TLK1: variants seen among roughly 807,000 people sequenced by gnomAD.
TLK1 encodes tousled like kinase 1, also known as serine/threonine-protein kinase tousled-like 1.
Under a neutral mutation model 105.3 loss-of-function variants are expected in TLK1, and 24 were observed. That is an observed-to-expected ratio of 0.23 (90% confidence interval 0.17 to 0.32). The LOEUF is 0.32. Ranked by LOEUF, TLK1 falls within the 10% of genes least tolerant of loss-of-function variation. The pLI, the probability that TLK1 is intolerant of heterozygous loss-of-function variation, is 1.00. For synonymous variants in TLK1, 321 were observed against 310.4 expected (o/e 1.03, Z -0.36); for missense variants, 558 against 910.5 (o/e 0.61, Z 4.98).
At chr2:171,068,111 G>C (rs1359479976) in intron 3 of TLK1, among the ~76,000 whole-genome samples, 1 of 152,110 alleles carries the variant, frequency 6.6e-6, no homozygotes, top group Non-Finnish European at 1.5e-5. Flanking sequence ...TGGATCACCT[G>C]AGGTCAGGAG....
chr2:171,103,361 G>A (rs916964030), intron 2 of TLK1, among the ~76,000 whole-genome samples: 6 of 151,042 alleles, frequency 4.0e-5, no homozygotes, highest in African/African-American at 9.8e-5. Context: ...TGCAATCTCC[G>A]CCGCCTCCTG....
rs888846823 is a variant in TLK1 at position 171,137,128 on chromosome 2, G to C, written c.140-19271C>G. ...GCTTGAGCTCAGGAATTCAAAAACA[G>C]TCTGAGTAACATGGTGAAACCCATC... On this transcript the variant is annotated intron_variant, in intron 1 of 20. Coordinates refer to ENST00000431350, the MANE Select transcript of TLK1 (RefSeq NM_012290.5). Among the ~76,000 whole-genome samples, 77 of 152,202 alleles carry C rather than the reference G, an allele frequency of 5.1e-4. 1 individual carries two copies. The Middle Eastern group carries it at 0.014, about 27-fold the overall frequency.
At chr2:171,137,741 C>T (rs563673204) in intron 1 of TLK1, among the ~76,000 whole-genome samples, 3 of 151,672 alleles carry the variant, frequency 2.0e-5, no homozygotes, top group South Asian at 2.1e-4. Context: ...CCCAGCTACT[C>T]GGGAGGCTGA....
At chr2:171,110,159 T>C (rs1185321040) in intron 2 of TLK1, among the ~76,000 whole-genome samples, 5 of 152,216 alleles carry the variant, frequency 3.3e-5, no homozygotes, top group African/African-American at 7.2e-5. Flanking sequence ...ACAACACAAA[T>C]GTTCCTCATC....
chr2:171,002,030 GCCT>G (rs1684402986), intron 18 of TLK1, among the ~76,000 whole-genome samples: 1 of 152,052 alleles, frequency 6.6e-6, no homozygotes, highest in Non-Finnish European at 1.5e-5. Flanking sequence ...GCCCGCCTGG[GCCT>G]CACAAAGTGC....
At chr2:171,068,248 G>C (rs1006242692) in intron 3 of TLK1, among the ~76,000 whole-genome samples, 6 of 152,114 alleles carry the variant, frequency 3.9e-5, no homozygotes, top group Admixed American at 3.9e-4. Flanking sequence ...AAAATTGCTT[G>C]TATCTGGGAG....
At chr2:171,053,570 C>A in intron 8 of TLK1, 191 bp downstream of exon 8, 2 of 409,432 alleles carry the variant, frequency 4.9e-6, no homozygotes, top group Non-Finnish European at 4.4e-6. Context: ...ACCATGTTGG[C>A]CAGGATGCTC....
chr2:171,138,822 T>C (rs1481303915), intron 1 of TLK1, among the ~76,000 whole-genome samples: 1 of 152,186 alleles, frequency 6.6e-6, no homozygotes, highest in Non-Finnish European at 1.5e-5. Flanking sequence ...TCCATTAAAC[T>C]GGTTCATATG....
chr2:171,103,098 T>C (rs1306466841), intron 2 of TLK1, among the ~76,000 whole-genome samples: 1 of 151,970 alleles, frequency 6.6e-6, no homozygotes, highest in Non-Finnish European at 1.5e-5. Flanking sequence ...AAATAATAAC[T>C]GCCGTGGTGG....
At chr2:171,020,454 C>T (rs981880122) in intron 12 of TLK1, among the ~76,000 whole-genome samples, 1 of 151,390 alleles carries the variant, frequency 6.6e-6, no homozygotes, top group African/African-American at 2.4e-5. Flanking sequence ...GCAGGTGAAT[C>T]GCTTGAACCC....
chr2:171,142,015 G>A (rs1007350922), intron 1 of TLK1, among the ~76,000 whole-genome samples: 3 of 151,930 alleles, frequency 2.0e-5, no homozygotes, highest in African/African-American at 7.3e-5. Context: ...TTCTGGAGAG[G>A]GAAATGTACA....
At chr2:171,059,836 G>A (rs1687664994) in intron 4 of TLK1, 1 of 778,616 alleles carries the variant, frequency 1.3e-6, no homozygotes, top group Admixed American at 1.8e-5. Context: ...TTCACAATAA[G>A]GTTCACACTC....
intron 1 of TLK1, among the ~76,000 whole-genome samples, chr2:171,139,844 A>G (rs1691496498): frequency 6.6e-6 from 1 of 152,058 alleles, no homozygotes; most frequent in African/African-American, 2.4e-5. Context: ...TGGAGTGGAG[A>G]TGGTTTCAGA....
At chr2:171,059,123 C>T (rs1312610088) in intron 4 of TLK1, among the ~76,000 whole-genome samples, 2 of 152,104 alleles carry the variant, frequency 1.3e-5, no homozygotes, top group Non-Finnish European at 2.9e-5. Context: ...ACCAATGCTA[C>T]CTAGAAATTT....
chr2:171,188,321 G>A (rs1575651584), intron 1 of TLK1, among the ~76,000 whole-genome samples: 2 of 152,344 alleles, frequency 1.3e-5, no homozygotes, highest in South Asian at 2.1e-4. Context: ...TGTAATCCCA[G>A]CACTTTGGGA....
chr2:171,118,215 T>C (rs1411229891), intron 1 of TLK1, among the ~76,000 whole-genome samples: 1 of 152,152 alleles, frequency 6.6e-6, no homozygotes. Flanking sequence ...CTAGTCCACT[T>C]AAAAAAGAGT....
At chr2:171,210,812 C>G (rs995344206) in intron 1 of TLK1, among the ~76,000 whole-genome samples, 1 of 152,070 alleles carries the variant, frequency 6.6e-6, no homozygotes, top group African/African-American at 2.4e-5. Context: ...GAGAGAATGC[C>G]GTGAAATGTT....
intron 3 of TLK1, among the ~76,000 whole-genome samples, chr2:171,074,417 C>G (rs1688404445): frequency 6.6e-6 from 1 of 151,892 alleles, no homozygotes; most frequent in Non-Finnish European, 1.5e-5. Flanking sequence ...CATTTGAGGT[C>G]AGGAGTTTGA....
intron 1 of TLK1, among the ~76,000 whole-genome samples, chr2:171,185,445 C>G (rs1180910844): frequency 6.6e-6 from 1 of 152,174 alleles, no homozygotes; most frequent in African/African-American, 2.4e-5. Context: ...ACATATGACA[C>G]TGCCTATCTC....
Sources: gnomAD v4.1 joint callset for allele counts (sites outside exome capture counted in the v4.1 genomes callset) on GRCh38, gnomAD v4.1.1 for gene constraint, MANE v1.5 for transcripts, NCBI Gene and HGNC (gene_info 2026-07-23, HGNC 2026-07-21) for gene names.